The following GLCCI1 variants were observed in gnomAD, a reference collection of about 807,000 sequenced individuals.
GLCCI1 encodes the protein glucocorticoid-induced transcript 1 protein.
GLCCI1 carries 24 observed loss-of-function variants against 52.2 expected under a neutral mutation model. That is an observed-to-expected ratio of 0.46 (90% confidence interval 0.33 to 0.65). GLCCI1 has a LOEUF of 0.65. GLCCI1 is among the 30% of genes least tolerant of loss of function. GLCCI1 has a pLI of 0.02. For missense variants in GLCCI1, 704 were observed against 701.5 expected (o/e 1.00, Z -0.04); for synonymous variants, 310 against 276.5 (o/e 1.12, Z -1.20).
chr7:7,984,531 T>G (rs1322106298), intron 1 of GLCCI1, among the ~76,000 whole-genome samples: 3 of 152,246 alleles, frequency 2.0e-5, no homozygotes, highest in African/African-American at 7.2e-5. Flanking sequence ...TGTAAAAACT[T>G]TAAACTGTAA....
chr7:7,983,355 T>C (rs1239531508), intron 1 of GLCCI1, among the ~76,000 whole-genome samples: 1 of 152,202 alleles, frequency 6.6e-6, no homozygotes, highest in Non-Finnish European at 1.5e-5. Context: ...CCTCAAAATA[T>C]AAAATAAATG....
Position 8,060,242 on chromosome 7 carries a change from A to T in GLCCI1, c.960A>T (p.Val320=), listed in dbSNP as rs1782483296. Residue 320 remains valine, a synonymous_variant, in exon 5 of 8, where the codon GTA becomes GTT. Transcript: ENST00000223145. The part of the protein sequence containing the change: ...FIKENNGKEE[V]SKPLDIPDGR... ...AAGAAAATAATGGGAAGGAAGAAGT[A>T]TCCAAGGTAAGGTTACATGGGATAT... 9 of 1,609,586 alleles carry T rather than the reference A, an allele frequency of 5.6e-6. No individual in the cohort carries two copies. The East Asian group carries it at 2.0e-4, about 36-fold the overall frequency.
chr7:8,023,499 A>C (rs781608426), intron 3 of GLCCI1, among the ~76,000 whole-genome samples: 16 of 151,166 alleles, frequency 1.1e-4, no homozygotes, highest in Non-Finnish European at 1.8e-4. Context: ...TCTTTTTACA[A>C]ATTACAGAAA....
At chr7:8,060,789 A>G (rs1782497489) in intron 5 of GLCCI1, among the ~76,000 whole-genome samples, 1 of 152,198 alleles carries the variant, frequency 6.6e-6, no homozygotes, top group African/African-American at 2.4e-5. Flanking sequence ...ACATTTGTAT[A>G]CAAGGTTTTG....
chr7:7,976,209 T>G (rs1780466018), intron 1 of GLCCI1, among the ~76,000 whole-genome samples: 1 of 152,134 alleles, frequency 6.6e-6, no homozygotes, highest in South Asian at 2.1e-4. Context: ...CTGGGCGCAG[T>G]GGCTCATGCC....
intron 1 of GLCCI1, among the ~76,000 whole-genome samples, chr7:7,995,658 A>AT (rs1317334084): frequency 6.6e-6 from 1 of 152,206 alleles, no homozygotes; most frequent in Non-Finnish European, 1.5e-5. Context: ...AGGACAAAAA[A>AT]CCAAACACCG....
chr7:8,005,081 G>T (rs1781120585), intron 2 of GLCCI1, among the ~76,000 whole-genome samples: 1 of 152,102 alleles, frequency 6.6e-6, no homozygotes. Flanking sequence ...GTGAGGAAGA[G>T]GATAAGTTTA....
chr7:8,049,008 T>C (rs1782197272), intron 3 of GLCCI1, among the ~76,000 whole-genome samples: 1 of 152,208 alleles, frequency 6.6e-6, no homozygotes, highest in South Asian at 2.1e-4. Flanking sequence ...TTCTGGTTTT[T>C]ATAAACAAAA....
chr7:8,071,232 T>C (rs1782754710), intron 6 of GLCCI1, 101 bp downstream of exon 6: 1 of 919,902 alleles, frequency 1.1e-6, no homozygotes, highest in South Asian at 1.7e-5. Context: ...TGTTCAATGG[T>C]GACATTGTCA....
intron 5 of GLCCI1, among the ~76,000 whole-genome samples, chr7:8,069,049 T>C (rs554983383): frequency 2.8e-4 from 43 of 152,298 alleles, no homozygotes; most frequent in Non-Finnish European, 5.9e-4. Context: ...TCTGAAAGTG[T>C]GGGCTCCTCT....
At chr7:8,085,684 C>T (rs1177664792) in intron 7 of GLCCI1, among the ~76,000 whole-genome samples, 1 of 151,954 alleles carries the variant, frequency 6.6e-6, no homozygotes, top group African/African-American at 2.4e-5. Context: ...AGAGGAAGGG[C>T]TTGTGGACCC....
intron 3 of GLCCI1, among the ~76,000 whole-genome samples, chr7:8,033,938 T>C (rs35567393): frequency 0.076 from 11,620 of 152,208 alleles, 496 homozygotes; most frequent in African/African-American, 0.11. Flanking sequence ...ACAAAGGATC[T>C]AGAAAAGTCC....
At chr7:8,051,736 A>C (rs997262693) in intron 3 of GLCCI1, among the ~76,000 whole-genome samples, 1 of 152,152 alleles carries the variant, frequency 6.6e-6, no homozygotes, top group Non-Finnish European at 1.5e-5. Context: ...AATGATGTTG[A>C]GCACCTTTTT....
intron 2 of GLCCI1, among the ~76,000 whole-genome samples, chr7:8,012,552 C>T (rs1297989689): frequency 6.9e-6 from 1 of 145,830 alleles, no homozygotes; most frequent in Admixed American, 7.1e-5. Flanking sequence ...TCATGCCATT[C>T]TCCTGCCTCA....
chr7:8,027,402 C>A (rs1180638650), intron 3 of GLCCI1, among the ~76,000 whole-genome samples: 1 of 152,102 alleles, frequency 6.6e-6, no homozygotes, highest in Non-Finnish European at 1.5e-5. Context: ...GCGCAAGAAT[C>A]GCTTGAGCCT....
chr7:7,978,985 A>G (rs1469188538), intron 1 of GLCCI1, among the ~76,000 whole-genome samples: 1 of 152,180 alleles, frequency 6.6e-6, no homozygotes, highest in Non-Finnish European at 1.5e-5. Context: ...TATTTCTTCT[A>G]AAGTATTCTT....
intron 6 of GLCCI1, among the ~76,000 whole-genome samples, chr7:8,084,419 C>T (rs560954939): frequency 5.5e-4 from 84 of 152,084 alleles, no homozygotes; most frequent in Non-Finnish European, 6.3e-4. Flanking sequence ...CCCCTGCGTA[C>T]GTGTTATTCA....
rs1278928649 is a variant in GLCCI1, at chr7:8,045,024, C to T, written c.697-10409C>T. On this transcript the variant is annotated intron_variant, in intron 3 of 7. Transcript: ENST00000223145. ...TTTACCGTAGGCTAATGGACAGAAA[C>T]AAGAATTAAGTCCTTATGGCATATT... Among the ~76,000 whole-genome samples, 3 of 152,040 alleles carry T rather than the reference C, an allele frequency of 2.0e-5. No individual in the cohort carries two copies. The East Asian group carries it at 5.8e-4, about 29-fold the overall frequency.
chr7:8,078,057 A>AC (rs760024634), intron 6 of GLCCI1, among the ~76,000 whole-genome samples: 46 of 151,554 alleles, frequency 3.0e-4, no homozygotes, highest in East Asian at 5.8e-4. Flanking sequence ...ACACGGTGAA[A>AC]CCCCGTCTCT....
Sources: allele counts gnomAD v4.1 joint callset (sites outside exome capture counted in the v4.1 genomes callset), GRCh38; gene constraint gnomAD v4.1.1; transcripts MANE v1.5; gene names NCBI Gene and HGNC (gene_info 2026-07-23, HGNC 2026-07-21).